ANKRD45: variants seen among roughly 807,000 people sequenced by gnomAD.
ANKRD45 encodes the protein ankyrin repeat domain-containing protein 45.
Under a neutral mutation model 28.1 loss-of-function variants are expected in ANKRD45, and 21 were observed. That is an observed-to-expected ratio of 0.75 (90% CI 0.53 to 1.08). The LOEUF is 1.08. Ranked by LOEUF, ANKRD45 falls within the 50% of genes least tolerant of loss-of-function variation. The pLI, the probability that ANKRD45 is intolerant of heterozygous loss-of-function variation, is 0.00. For synonymous variants in ANKRD45, 86 were observed against 103.9 expected (o/e 0.83, Z 1.05); for missense variants, 261 against 308.7 (o/e 0.85, Z 1.16).
At chr1:173,655,308 T>C (rs1422266614) in intron 2 of ANKRD45, among the ~76,000 whole-genome samples, 5 of 152,234 alleles carry the variant, frequency 3.3e-5, no homozygotes, top group Non-Finnish European at 7.3e-5. Flanking sequence ...TTGATGTTGA[T>C]ACTATTCCTT....
chr1:173,666,168 T>C (rs1175997835), intron 1 of ANKRD45, among the ~76,000 whole-genome samples: 1 of 152,200 alleles, frequency 6.6e-6, no homozygotes, highest in East Asian at 1.9e-4. Context: ...AATTTCAAGC[T>C]GGGCATCTAC....
chr1:173,631,244 A>C (rs1407444265), intron 3 of ANKRD45, among the ~76,000 whole-genome samples: 2 of 152,192 alleles, frequency 1.3e-5, no homozygotes, highest in African/African-American at 2.4e-5. Flanking sequence ...ATATATAATA[A>C]TAGAGGGGTC....
At chr1:173,699,112 A>G in the ANKRD45 span, among the ~76,000 whole-genome samples, 1 of 152,210 alleles carries the variant, frequency 6.6e-6, no homozygotes, top group Non-Finnish European at 1.5e-5. Flanking sequence ...CCCTCCCTAC[A>G]CTAAACCAGG....
the ANKRD45 span, among the ~76,000 whole-genome samples, chr1:173,701,382 C>A: frequency 6.6e-6 from 1 of 152,254 alleles, no homozygotes; most frequent in African/African-American, 2.4e-5. Flanking sequence ...ATGTTTACTG[C>A]GGCACTATTC....
At chr1:173,683,523 G>A in the ANKRD45 span, among the ~76,000 whole-genome samples, 1 of 152,154 alleles carries the variant, frequency 6.6e-6, no homozygotes, top group African/African-American at 2.4e-5. Flanking sequence ...ATTCTCTGGA[G>A]GGGGTGTTTC....
intron 5 of ANKRD45, among the ~76,000 whole-genome samples, chr1:173,613,474 G>A (rs1390048468): frequency 4.8e-5 from 7 of 147,028 alleles, no homozygotes; most frequent in Admixed American, 2.0e-4. Context: ...GGCAGCCCCC[G>A]CCCGGCCAGC....
chr1:173,638,300 G>T (rs935170045), intron 3 of ANKRD45, among the ~76,000 whole-genome samples: 6 of 152,280 alleles, frequency 3.9e-5, no homozygotes, highest in South Asian at 2.1e-4. Flanking sequence ...GACATCCCCA[G>T]TCTGAAGAAT....
intron 1 of ANKRD45, among the ~76,000 whole-genome samples, chr1:173,665,654 T>C (rs953413655): frequency 6.6e-6 from 1 of 152,096 alleles, no homozygotes; most frequent in African/African-American, 2.4e-5. Flanking sequence ...GTCTTAAAAA[T>C]TGAGAACCCC....
chr1:173,708,171 A>G, the ANKRD45 span, among the ~76,000 whole-genome samples: 2 of 152,306 alleles, frequency 1.3e-5, no homozygotes, highest in East Asian at 3.9e-4. Flanking sequence ...TAATCAACTT[A>G]TCTAGTTCTG....
the ANKRD45 span, among the ~76,000 whole-genome samples, chr1:173,713,596 T>C: frequency 1.2e-4 from 19 of 152,284 alleles, no homozygotes; most frequent in Admixed American, 7.8e-4. Flanking sequence ...TTGTAGAATC[T>C]AGGATTGGCC....
At chr1:173,637,263 A>C (rs1668490099) in intron 3 of ANKRD45, 2 of 416,740 alleles carry the variant, frequency 4.8e-6, no homozygotes, top group African/African-American at 2.1e-5. Flanking sequence ...TAGAAAATGA[A>C]ATAGAGGTTC....
chr1:173,635,162 A>C (rs1312151750), intron 3 of ANKRD45, among the ~76,000 whole-genome samples: 1 of 152,050 alleles, frequency 6.6e-6, no homozygotes, highest in Non-Finnish European at 1.5e-5. Context: ...AGCTCAAACC[A>C]TTCTGGCAAA....
At chr1:173,677,774 T>TA in the ANKRD45 span, among the ~76,000 whole-genome samples, 2 of 151,954 alleles carry the variant, frequency 1.3e-5, no homozygotes, top group African/African-American at 2.4e-5. Flanking sequence ...AACCTTAATT[T>TA]TAAAAAAAAA....
At chr1:173,633,921 G>C (rs1178999657) in intron 3 of ANKRD45, among the ~76,000 whole-genome samples, 1 of 152,008 alleles carries the variant, frequency 6.6e-6, no homozygotes, top group African/African-American at 2.4e-5. Flanking sequence ...CCAGGATATT[G>C]GTCTGGGCAA....
intron 3 of ANKRD45, among the ~76,000 whole-genome samples, chr1:173,641,603 T>C (rs534435230): frequency 1.3e-5 from 2 of 152,334 alleles, no homozygotes; most frequent in South Asian, 2.1e-4. Flanking sequence ...GGACCTTTAC[T>C]GGACACTCTG....
At chr1:173,637,248 T>C (rs1048184168) in intron 3 of ANKRD45, 3 of 451,358 alleles carry the variant, frequency 6.6e-6, no homozygotes, top group Non-Finnish European at 1.2e-5. Flanking sequence ...AGAAATTGTA[T>C]ACTGTAGAAA....
chr1:173,685,708 G>C, the ANKRD45 span, among the ~76,000 whole-genome samples: 18 of 152,216 alleles, frequency 1.2e-4, no homozygotes, highest in Non-Finnish European at 2.1e-4. Context: ...TTGGAAGAAG[G>C]CTTAGAGGAA....
At chr1:173,620,017 C>A (rs913673898) in intron 5 of ANKRD45, among the ~76,000 whole-genome samples, 4 of 152,038 alleles carry the variant, frequency 2.6e-5, no homozygotes, top group Non-Finnish European at 5.9e-5. Flanking sequence ...GAGACTTTAA[C>A]ACCCCACTGA....
the ANKRD45 span, among the ~76,000 whole-genome samples, chr1:173,678,719 G>A: frequency 7.9e-5 from 12 of 152,172 alleles, no homozygotes; most frequent in Non-Finnish European, 1.5e-4. Flanking sequence ...AATCAGGCAA[G>A]AGAAAGAAAT....
Sources: allele counts gnomAD v4.1 joint callset (sites outside exome capture counted in the v4.1 genomes callset), GRCh38; gene constraint gnomAD v4.1.1; transcripts MANE v1.5; gene names NCBI Gene and HGNC (gene_info 2026-07-23, HGNC 2026-07-21).